The following MALRD1 variants were observed in gnomAD, a reference collection of about 807,000 sequenced individuals.
MALRD1 encodes MAM and LDL-receptor class A domain-containing protein 1.
In MALRD1, 247 loss-of-function variants were observed where a neutral mutation model predicts 242.1. That is an observed-to-expected ratio of 1.02 (90% CI 0.92 to 1.13). MALRD1 has a LOEUF of 1.13. Among genes scored for constraint, MALRD1 ranks in the 50% most tolerant of loss-of-function variants. The pLI is 0.00. For missense variants in MALRD1, 2,989 were observed against 2,533.1 expected, an observed-to-expected ratio of 1.18 and a Z score of -3.86; for synonymous variants, 995 against 866.6, an observed-to-expected ratio of 1.15 and a Z score of -2.60.
At chr10:19,713,528 T>A (rs1022693418) in intron 38 of MALRD1, among the ~76,000 whole-genome samples, 37 of 152,238 alleles carry the variant, frequency 2.4e-4, no homozygotes, top group African/African-American at 8.7e-4. Flanking sequence ...CTGGACAGAT[T>A]CTTACATAGG....
chr10:19,450,276 A>G, intron 28 of MALRD1, 31 bp from the exon 29 acceptor site: 1 of 1,519,186 alleles, frequency 6.6e-7, no homozygotes. Flanking sequence ...GTGTTTGATT[A>G]TTTCCCTCAT....
intron 16 of MALRD1, 44 bp downstream of exon 16, chr10:19,204,457 CTGG>C (rs1184979823): frequency 7.6e-7 from 1 of 1,322,550 alleles, no homozygotes; most frequent in Non-Finnish European, 1.0e-6. Flanking sequence ...ACAGTTCACC[CTGG>C]TGGTGAAGTG....
intron 26 of MALRD1, among the ~76,000 whole-genome samples, chr10:19,369,625 A>G (rs1845282804): frequency 1.0e-5 from 1 of 99,282 alleles, no homozygotes; most frequent in African/African-American, 3.9e-5. Context: ...AAATATACAT[A>G]AGTATACAGA....
rs1012134123 is a variant in MALRD1 at position 19,292,719 on chromosome 10, C to T, written c.3419+9538C>T. 9.2e-5 allele frequency among the ~76,000 whole-genome samples: 14 copies of T among 151,820 alleles called. No individual in the cohort carries two copies. In the East Asian group the frequency reaches 2.0e-3, roughly 21 times the overall value. On this transcript the variant is annotated intron_variant, in intron 21 of 39. Coordinates refer to ENST00000454679, the MANE Select transcript of MALRD1 (RefSeq NM_001142308.3). ...CACCCTGGCTAACACGGTGAAACCC[C>T]GTCTCTACTAAAAATACAAAAAAAT...
At chr10:19,444,160 G>C (rs1834827984) in intron 28 of MALRD1, among the ~76,000 whole-genome samples, 1 of 151,812 alleles carries the variant, frequency 6.6e-6, no homozygotes, top group South Asian at 2.1e-4. Flanking sequence ...CCATTTGCTT[G>C]GTAGATCTTC....
At chr10:19,406,570 A>G (rs529409699) in intron 28 of MALRD1, among the ~76,000 whole-genome samples, 1 of 152,266 alleles carries the variant, frequency 6.6e-6, no homozygotes, top group East Asian at 1.9e-4. Context: ...GGTGTCTGTC[A>G]TTTAGGAGAT....
chr10:19,282,568 C>A (rs1840870372), intron 20 of MALRD1, among the ~76,000 whole-genome samples: 3 of 152,108 alleles, frequency 2.0e-5, no homozygotes, highest in African/African-American at 7.2e-5. Flanking sequence ...TTACAAGAAT[C>A]TGTAAAACTT....
At chr10:19,643,521 A>G (rs1432469785) in intron 36 of MALRD1, among the ~76,000 whole-genome samples, 2 of 135,732 alleles carry the variant, frequency 1.5e-5, no homozygotes, top group Non-Finnish European at 3.3e-5. Flanking sequence ...TAATTGATTA[A>G]TTGACTAAAA....
At chr10:19,441,756 C>G (rs111482121) in intron 28 of MALRD1, among the ~76,000 whole-genome samples, 3 of 151,970 alleles carry the variant, frequency 2.0e-5, no homozygotes, top group Admixed American at 6.6e-5. Context: ...AGTTTGAAGT[C>G]AGGTAGCATG....
intron 14 of MALRD1, among the ~76,000 whole-genome samples, chr10:19,197,333 T>G (rs1836310251): frequency 6.8e-6 from 1 of 147,050 alleles, no homozygotes; most frequent in African/African-American, 2.6e-5. Flanking sequence ...GTCTGGATTT[T>G]TGCAGTATTC....
intron 36 of MALRD1, among the ~76,000 whole-genome samples, chr10:19,650,947 A>G (rs77907594): frequency 0.11 from 16,586 of 152,072 alleles, 2,304 homozygotes; most frequent in African/African-American, 0.32. Flanking sequence ...AAATTAGAGA[A>G]TGCATCAGGA....
intron 29 of MALRD1, 90 bp downstream of exon 29, chr10:19,450,580 T>C: frequency 8.6e-7 from 1 of 1,169,024 alleles, no homozygotes; most frequent in Non-Finnish European, 1.2e-6. Context: ...GCTTTACTGT[T>C]ATGTATTTTG....
At chr10:19,671,105 A>G (rs1332282294) in intron 36 of MALRD1, among the ~76,000 whole-genome samples, 1 of 151,984 alleles carries the variant, frequency 6.6e-6, no homozygotes, top group East Asian at 1.9e-4. Context: ...TAGCCAGGAT[A>G]AGACAATGAT....
intron 31 of MALRD1, among the ~76,000 whole-genome samples, chr10:19,503,826 G>T (rs1216426972): frequency 6.6e-6 from 1 of 152,180 alleles, no homozygotes; most frequent in Admixed American, 6.5e-5. Flanking sequence ...TATTGACAGT[G>T]AAGTATTTTG....
intron 18 of MALRD1, among the ~76,000 whole-genome samples, chr10:19,225,913 C>G (rs1289065314): frequency 1.3e-5 from 2 of 152,108 alleles, no homozygotes; most frequent in African/African-American, 4.8e-5. Context: ...TTTTTGGAAT[C>G]TCTGATATCT....
At chr10:19,482,539 A>G (rs1223944364) in intron 29 of MALRD1, among the ~76,000 whole-genome samples, 1 of 151,922 alleles carries the variant, frequency 6.6e-6, no homozygotes, top group Non-Finnish European at 1.5e-5. Flanking sequence ...AGACTCTTCC[A>G]GAAGGCCCCT....
intron 19 of MALRD1, among the ~76,000 whole-genome samples, chr10:19,278,703 A>C (rs1031298938): frequency 2.0e-5 from 3 of 152,296 alleles, no homozygotes; most frequent in Non-Finnish European, 4.4e-5. Flanking sequence ...TAAACTATTT[A>C]ATGGCAGAGA....
intron 26 of MALRD1, among the ~76,000 whole-genome samples, chr10:19,377,545 C>A (rs1221302273): frequency 6.6e-6 from 1 of 151,926 alleles, no homozygotes; most frequent in Non-Finnish European, 1.5e-5. Flanking sequence ...TTAAACAGAA[C>A]TACTTCATAA....
intron 32 of MALRD1, among the ~76,000 whole-genome samples, chr10:19,535,803 G>A (rs957154854): frequency 6.6e-6 from 1 of 152,144 alleles, no homozygotes; most frequent in Non-Finnish European, 1.5e-5. Flanking sequence ...GCCCCAGAAT[G>A]TGCCATAAAC....
Sources: gnomAD v4.1 joint callset for allele counts (sites outside exome capture counted in the v4.1 genomes callset) on GRCh38, gnomAD v4.1.1 for gene constraint, MANE v1.5 for transcripts, NCBI Gene and HGNC (gene_info 2026-07-23, HGNC 2026-07-21) for gene names.